Variants in KANK4 observed in about 807,000 individuals in gnomAD.
The protein encoded by KANK4 is KN motif and ankyrin repeat domains 4, also known as KN motif and ankyrin repeat domain-containing protein 4.
In KANK4, 50 loss-of-function variants were observed where a neutral mutation model predicts 80.8. The observed-to-expected ratio is 0.62, with a 90% CI of 0.49 to 0.78. KANK4 has a LOEUF of 0.78. Ranked by LOEUF, KANK4 falls within the 30% of genes least tolerant of loss-of-function variation. KANK4 has a pLI of 0.00. For missense variants in KANK4, 1,196 were observed against 1,240.1 expected (o/e 0.96, Z 0.53); for synonymous variants, 465 against 506.9 (o/e 0.92, Z 1.11).
At chr1:62,240,957 T>C (rs1209611758) in intron 9 of KANK4, among the ~76,000 whole-genome samples, 1 of 152,158 alleles carries the variant, frequency 6.6e-6, no homozygotes, top group Non-Finnish European at 1.5e-5. Context: ...AGATAACTTA[T>C]TGGGAGCTGA....
intron 7 of KANK4, among the ~76,000 whole-genome samples, chr1:62,260,515 C>A (rs1453331661): frequency 6.6e-6 from 1 of 152,112 alleles, no homozygotes; most frequent in Non-Finnish European, 1.5e-5. Flanking sequence ...AACAAACACA[C>A]AAAACCAACT....
intron 1 of KANK4, among the ~76,000 whole-genome samples, chr1:62,288,241 T>C (rs1672610797): frequency 6.6e-6 from 1 of 152,192 alleles, no homozygotes; most frequent in Admixed American, 6.5e-5. Context: ...TTGGCTCCTT[T>C]TGCAATTTAG....
intron 8 of KANK4, among the ~76,000 whole-genome samples, chr1:62,248,376 T>C (rs1032453287): frequency 3.9e-5 from 6 of 152,086 alleles, no homozygotes; most frequent in South Asian, 2.1e-4. Context: ...GTTTTTCTTT[T>C]CTTTTTTTTG....
intron 1 of KANK4, chr1:62,298,283 C>T (rs552012729): frequency 3.0e-4 from 45 of 152,238 alleles, no homozygotes; most frequent in African/African-American, 1.0e-3. Flanking sequence ...ACCAGCCAGC[C>T]CTCCAGGTAA....
Position 62,247,491 on chromosome 1 carries a change from T to C in KANK4, c.2864A>G (p.Asp955Gly), listed in dbSNP as rs371872412. Residue 955 changes from aspartate (D) to glycine (G), a missense_variant, in exon 9 of 10, where the codon GAC becomes GGC. This residue lies in a region of KANK4 where 1,154 missense variants were observed against 1,179.6 expected (regional missense o/e 0.98). Coordinates refer to ENST00000371153, the MANE Select transcript of KANK4 (RefSeq NM_181712.5). Reference protein sequence around the residue: ...VRLLLAHPACDSSLTDKAGRT... With the variant: ...VRLLLAHPACGSSLTDKAGRT... ...TCTCACCTTGTCAGTCAGGCTGCTG[T>C]CGCAGGCTGGGTGTGCCAGGAGCAG... The C allele has an allele frequency of 4.3e-6, 7 of 1,613,828 alleles. No individual in the cohort carries two copies. Among genetic ancestry groups the C allele is most frequent in the Non-Finnish European group, 5.1e-6 (6 of 1,180,026 alleles).
chr1:62,317,563 G>T lies in KANK4; in HGVS notation c.-71+1543C>A, dbSNP rs140058608. Reference sequence around the variant, plus strand: ...AAAGGACTGCCCATTTGGGCCCCTGGTAGTAACTCAGCCAACAGAGGCTTT... The same window carrying T: ...AAAGGACTGCCCATTTGGGCCCCTGTTAGTAACTCAGCCAACAGAGGCTTT... On this transcript the variant is annotated intron_variant, in intron 1 of 9. Transcript: ENST00000371153. 5.2e-3 allele frequency among the ~76,000 whole-genome samples: 799 copies of T among 152,314 alleles called. 10 individuals carry two copies. The highest frequency in any genetic ancestry group is 0.019 in the African/African-American group (774 of 41,562).
rs1013104657 is a variant in KANK4 at position 62,238,346 on chromosome 1, T to C, written c.2919A>G (p.Ser973=). ...GCCCAGCAATTTCCATATGGGTGGGTGACTTCAGAGCGATGGACAAAGCTG... is the reference window on the plus strand; with the variant it reads ...GCCCAGCAATTTCCATATGGGTGGGCGACTTCAGAGCGATGGACAAAGCTG... ...GRTALSIALK[S]PTHMEIAGLL... Residue 973 remains serine, a synonymous_variant, in exon 10 of 10, where the codon TCA becomes TCG. Transcript: ENST00000371153. 6.2e-7 allele frequency: 1 copy of C among 1,613,846 alleles called. No individual in the cohort carries two copies. The highest frequency in any genetic ancestry group is 1.7e-5 in the Admixed American group (1 of 59,988).
chr1:62,303,875 T>C (rs570451695), intron 1 of KANK4, among the ~76,000 whole-genome samples: 49 of 151,988 alleles, frequency 3.2e-4, no homozygotes, highest in Non-Finnish European at 6.2e-4. Flanking sequence ...ATTCTTTTTC[T>C]TTTTTTCTTT....
intron 1 of KANK4, among the ~76,000 whole-genome samples, chr1:62,318,679 C>A (rs1017173667): frequency 1.3e-5 from 2 of 152,206 alleles, no homozygotes; most frequent in Non-Finnish European, 2.9e-5. Context: ...AACGCCCAGT[C>A]CCGCAGGCTG....
rs1272362632 is a variant in KANK4, at chr1:62,268,352, C to T, written c.2166G>A (p.Glu722=). 2 of 1,614,052 alleles carry T rather than the reference C, an allele frequency of 1.2e-6. No homozygotes were observed. Among genetic ancestry groups the T allele is most frequent in the African/African-American group, 2.7e-5 (2 of 75,048 alleles). ...LTCEAGQGIP[E]GTCHAAQESG... ...TTTCCTGGGCAGCATGGCAGGTGCC[C>T]TCAGGGATGCCCTGCCCAGCCTCGC... The change falls in exon 5 of 10, where the codon GAG becomes GAA. Residue 722 remains glutamate, a synonymous_variant. Transcript: ENST00000371153.
chr1:62,253,409 C>CTTTTTTTTTTTTTTTTTTTTTT (rs34488630), intron 7 of KANK4, among the ~76,000 whole-genome samples, 200 bp from the exon 8 acceptor site: 3 of 110,982 alleles, frequency 2.7e-5, no homozygotes, highest in Non-Finnish European at 3.5e-5. Flanking sequence ...TTCTTTCTTT[C>CTTTTTTTTTTTTTTTTTTTTTT]TTTTTTTTTT....
intron 2 of KANK4, among the ~76,000 whole-genome samples, chr1:62,280,621 A>T (rs1019523561): frequency 6.6e-6 from 1 of 152,164 alleles, no homozygotes; most frequent in Non-Finnish European, 1.5e-5. Context: ...AAAACATTTC[A>T]TTAGAAGTCA....
intron 1 of KANK4, among the ~76,000 whole-genome samples, chr1:62,287,001 C>T (rs1672583942): frequency 6.6e-6 from 1 of 152,172 alleles, no homozygotes; most frequent in Non-Finnish European, 1.5e-5. Context: ...GGATCCACTT[C>T]CAGGCAGGGT....
intron 1 of KANK4, among the ~76,000 whole-genome samples, chr1:62,287,700 C>T (rs555879913): frequency 2.0e-5 from 3 of 152,256 alleles, no homozygotes; most frequent in African/African-American, 7.2e-5. Context: ...CTCTGTTCTT[C>T]CCATTGCCCT....
intron 1 of KANK4, among the ~76,000 whole-genome samples, chr1:62,318,510 C>A (rs1644560861): frequency 6.6e-6 from 1 of 152,258 alleles, no homozygotes; most frequent in South Asian, 2.1e-4. Context: ...GCACTCGGAG[C>A]TGCCCCATTG....
intron 1 of KANK4, among the ~76,000 whole-genome samples, chr1:62,293,916 G>A (rs749314568): frequency 3.3e-5 from 5 of 152,280 alleles, no homozygotes; most frequent in South Asian, 4.1e-4. Context: ...AGATGGTGGC[G>A]TGATGTTCAG....
intron 1 of KANK4, among the ~76,000 whole-genome samples, chr1:62,287,894 A>G (rs1308888903): frequency 1.3e-5 from 2 of 152,202 alleles, no homozygotes; most frequent in African/African-American, 2.4e-5. Context: ...AATCATCAGA[A>G]TAAAAAAAGA....
intron 1 of KANK4, among the ~76,000 whole-genome samples, chr1:62,307,479 CAAAAA>C (rs3039730): frequency 2.6e-5 from 3 of 113,226 alleles, no homozygotes; most frequent in Non-Finnish European, 5.2e-5. Context: ...GAGACTCTGC[CAAAAA>C]AAAAAAAAAA....
At chr1:62,256,256 C>G (rs897148791) in intron 7 of KANK4, among the ~76,000 whole-genome samples, 1 of 152,084 alleles carries the variant, frequency 6.6e-6, no homozygotes, top group African/African-American at 2.4e-5. Context: ...ATGATATTCT[C>G]ATAAGGTTTA....
Sources: allele counts gnomAD v4.1 joint callset (sites outside exome capture counted in the v4.1 genomes callset), GRCh38; gene constraint gnomAD v4.1.1; regional missense constraint gnomAD v4.1.1; transcripts MANE v1.5; gene names NCBI Gene and HGNC (gene_info 2026-07-23, HGNC 2026-07-21).